DPF3: variants seen among roughly 807,000 people sequenced by gnomAD.
DPF3 encodes the protein zinc finger protein DPF3.
A neutral mutation model predicts 56.8 loss-of-function variants in DPF3; 18 were observed. The observed-to-expected ratio is 0.32, with a 90% CI of 0.22 to 0.47. The LOEUF (loss-of-function observed/expected upper bound fraction) is 0.47. Ranked by LOEUF, DPF3 falls within the 20% of genes least tolerant of loss-of-function variation. The probability of loss-of-function intolerance (pLI) is 1.00; values close to 1 mark genes in which losing one functional copy is unlikely to be tolerated. For missense variants in DPF3, 403 were observed against 488.8 expected, an observed-to-expected ratio of 0.82 and a Z score of 1.65; for synonymous variants, 188 against 180.2, an observed-to-expected ratio of 1.04 and a Z score of -0.35.
rs144990789 is a variant in DPF3 at position 72,872,532 on chromosome 14, A to C, written c.32+21525T>G. ...TGCTGCTTAGAAATTTCTTCCACCA[A>C]GCTACCAATGACTTTCTTCACGGAA... On this transcript the variant is annotated intron_variant, in intron 1 of 10. Coordinates refer to ENST00000556509, the MANE Select transcript of DPF3 (RefSeq NM_001280542.3). Among the ~76,000 whole-genome samples, 1,304 of 152,314 alleles carry C rather than the reference A, an allele frequency of 8.6e-3. 21 individuals carry two copies. Among genetic ancestry groups the C allele is most frequent in the African/African-American group, 0.03 (1,245 of 41,564 alleles).
chr14:72,871,671 T>A (rs1040065830), intron 1 of DPF3, among the ~76,000 whole-genome samples: 3 of 152,208 alleles, frequency 2.0e-5, no homozygotes, highest in Non-Finnish European at 4.4e-5. Flanking sequence ...CAGTGGCTCA[T>A]GCCTGTAATC....
chr14:72,859,967 CA>C (rs5809595), intron 1 of DPF3, among the ~76,000 whole-genome samples: 93,394 of 131,810 alleles, frequency 0.71, 31,257 homozygotes, highest in African/African-American at 0.79. Flanking sequence ...ATTTAACTGA[CA>C]AAAAAAAAAA....
chr14:72,724,462 G>C (rs1338302972), intron 4 of DPF3, among the ~76,000 whole-genome samples: 13 of 151,958 alleles, frequency 8.6e-5, no homozygotes, highest in Non-Finnish European at 1.5e-5. Flanking sequence ...ATCGGCTCAG[G>C]GTTCCCCATT....
intron 8 of DPF3, among the ~76,000 whole-genome samples, chr14:72,652,315 T>TTGG (rs1174950466): frequency 6.6e-6 from 1 of 151,968 alleles, no homozygotes; most frequent in Non-Finnish European, 1.5e-5. Context: ...CCATGACTCA[T>TTGG]TGGTGGTGGT....
intron 5 of DPF3, among the ~76,000 whole-genome samples, chr14:72,717,015 G>A (rs1194955688): frequency 6.6e-6 from 1 of 152,194 alleles, no homozygotes; most frequent in African/African-American, 2.4e-5. Flanking sequence ...AGGGATGAAA[G>A]ACAGGAGCCC....
In DPF3 at chr14:72,772,037, C is replaced by A. The variant is rs868722651; in HGVS notation, c.33-144G>T. On this transcript the variant is annotated intron_variant, in intron 1 of 10. Coordinates refer to ENST00000556509, the MANE Select transcript of DPF3 (RefSeq NM_001280542.3). The stretch of plus-strand genomic sequence containing the variant: ...GACCAAGGCAATGAGCACCAAGAGC[C>A]TTGCCAATGAGCAGAATGCAACTCA... 17 of 909,980 alleles carry A rather than the reference C, an allele frequency of 1.9e-5. No individual in the cohort carries two copies. In the Middle Eastern group the frequency reaches 3.0e-3, roughly 158 times the overall value. The allele number at this position is 909,980 out of a possible 1,614,324, so 56.4% of individuals were successfully genotyped here.
chr14:72,640,120 T>C (rs1328262313), intron 8 of DPF3, among the ~76,000 whole-genome samples: 1 of 94,198 alleles, frequency 1.1e-5, no homozygotes, highest in Non-Finnish European at 2.1e-5. Context: ...GCAGGAAATA[T>C]AAGGTGCATG....
intron 1 of DPF3, among the ~76,000 whole-genome samples, chr14:72,804,822 A>C (rs1188096736): frequency 6.6e-6 from 1 of 152,184 alleles, no homozygotes; most frequent in East Asian, 1.9e-4. Context: ...AAATAGGCTG[A>C]GTCCTGGGAG....
rs139776446 is a variant in DPF3 at position 72,799,427 on chromosome 14, G to A, written c.33-27534C>T. ...CACCTATAATCCTAGCACTTTGGGA[G>A]GCTGAGGAAGGAGGATTATTTGAGG... On this transcript the variant is annotated intron_variant, in intron 1 of 10. Transcript: ENST00000556509. Among the ~76,000 whole-genome samples the A allele has an allele frequency of 6.4e-4, 98 of 152,242 alleles. No homozygotes were observed. In the East Asian group the frequency reaches 0.016, roughly 25 times the overall value.
chr14:72,790,479 C>T (rs1044316533), intron 1 of DPF3, among the ~76,000 whole-genome samples: 1 of 152,134 alleles, frequency 6.6e-6, no homozygotes, highest in Non-Finnish European at 1.5e-5. Flanking sequence ...TTATTTTATG[C>T]AAACTCATCT....
intron 8 of DPF3, among the ~76,000 whole-genome samples, chr14:72,630,506 G>A (rs1037950656): frequency 2.6e-5 from 4 of 152,168 alleles, no homozygotes; most frequent in Non-Finnish European, 5.9e-5. Context: ...TTCAAGCACA[G>A]CCCCCGTGAG....
intron 8 of DPF3, among the ~76,000 whole-genome samples, chr14:72,633,166 T>C (rs1885266433): frequency 6.6e-6 from 1 of 152,134 alleles, no homozygotes; most frequent in African/African-American, 2.4e-5. Context: ...GAAACTTAGA[T>C]GAGAAAGACT....
At chr14:72,646,000 C>A (rs1459200904) in intron 8 of DPF3, among the ~76,000 whole-genome samples, 1 of 152,182 alleles carries the variant, frequency 6.6e-6, no homozygotes, top group African/African-American at 2.4e-5. Flanking sequence ...GACCTAGGGA[C>A]TGCAGTTTTA....
chr14:72,683,254 G>A (rs2803943), intron 7 of DPF3, among the ~76,000 whole-genome samples: 86,438 of 150,244 alleles, frequency 0.58, 26,578 homozygotes, highest in East Asian at 0.87. Context: ...TTGAACCCAG[G>A]AGGTGGAGGT....
chr14:72,784,004 C>T (rs369004769), intron 1 of DPF3, among the ~76,000 whole-genome samples: 3 of 152,172 alleles, frequency 2.0e-5, no homozygotes, highest in African/African-American at 2.4e-5. Flanking sequence ...TGGTCCTGAC[C>T]TCGCTTGGGG....
At chr14:72,800,325 G>A (rs1892820178) in intron 1 of DPF3, among the ~76,000 whole-genome samples, 2 of 152,100 alleles carry the variant, frequency 1.3e-5, no homozygotes, top group Non-Finnish European at 2.9e-5. Flanking sequence ...TACCTGCCTG[G>A]TCCCTTTAAA....
At chr14:72,775,749 G>T (rs1396519320) in intron 1 of DPF3, among the ~76,000 whole-genome samples, 1 of 152,180 alleles carries the variant, frequency 6.6e-6, no homozygotes, top group Non-Finnish European at 1.5e-5. Context: ...AACAGACCAG[G>T]TGTTGGCAGA....
intron 4 of DPF3, among the ~76,000 whole-genome samples, chr14:72,731,212 C>T (rs137995158): frequency 6.6e-6 from 1 of 152,218 alleles, no homozygotes; most frequent in African/African-American, 2.4e-5. Flanking sequence ...GGTAGGTGTG[C>T]ACCCTTATAA....
At chr14:72,809,720 T>G (rs1882952872) in intron 1 of DPF3, among the ~76,000 whole-genome samples, 1 of 152,164 alleles carries the variant, frequency 6.6e-6, no homozygotes, top group Non-Finnish European at 1.5e-5. Context: ...CCCAATCTCT[T>G]ATGATTCCAT....
Sources: gnomAD v4.1 joint callset for allele counts (sites outside exome capture counted in the v4.1 genomes callset) on GRCh38, gnomAD v4.1.1 for gene constraint, MANE v1.5 for transcripts, NCBI Gene and HGNC (gene_info 2026-07-23, HGNC 2026-07-21) for gene names.